The following KIAA1958 variants were observed in gnomAD, a reference collection of about 807,000 sequenced individuals.
KIAA1958 encodes the protein uncharacterized protein KIAA1958.
KIAA1958 carries 14 observed loss-of-function variants against 47.2 expected under a neutral mutation model. The ratio of observed to expected loss-of-function variants is 0.30; its 90% CI spans 0.20 to 0.46. The LOEUF (loss-of-function observed/expected upper bound fraction) is 0.46. Ranked by LOEUF, KIAA1958 falls within the 20% of genes least tolerant of loss-of-function variation. The pLI, the probability that KIAA1958 is intolerant of heterozygous loss-of-function variation, is 1.00. For missense variants in KIAA1958, 803 were observed against 909.2 expected (o/e 0.88, Z 1.50); for synonymous variants, 354 against 353.3 (o/e 1.00, Z -0.02).
intron 1 of KIAA1958, among the ~76,000 whole-genome samples, chr9:112,487,786 C>T (rs1173528207): frequency 5.9e-5 from 9 of 151,862 alleles, no homozygotes; most frequent in Non-Finnish European, 1.3e-4. Context: ...AAATGTATTC[C>T]CCTGGGTAGG....
Position 112,563,081 on chromosome 9 carries a change from C to A in KIAA1958, c.-24-10976C>A, listed in dbSNP as rs1469137846. On this transcript the variant is annotated intron_variant, in intron 1 of 3. Transcript: ENST00000337530. Reference sequence around the variant, plus strand: ...TCTGTCTCTGTCTCTCTCTCTCTCTCTCTCTATATATATATATAAATTTTT... The same window carrying A: ...TCTGTCTCTGTCTCTCTCTCTCTCTATCTCTATATATATATATAAATTTTT... Among the ~76,000 whole-genome samples the A allele has an allele frequency of 5.5e-3, 432 of 78,706 alleles. 1 individual carries two copies. The highest frequency in any genetic ancestry group is 6.5e-3 in the Non-Finnish European group (264 of 40,518). 51.6% of individuals were successfully genotyped at this position (78,706 alleles called of 152,430 possible).
At chr9:112,517,752 A>G (rs1364101984) in intron 1 of KIAA1958, among the ~76,000 whole-genome samples, 1 of 152,242 alleles carries the variant, frequency 6.6e-6, no homozygotes, top group Non-Finnish European at 1.5e-5. Flanking sequence ...AAAAGCAAGG[A>G]GCCAAGATAA....
At chr9:112,591,797 G>A (rs1176436053) in intron 2 of KIAA1958, among the ~76,000 whole-genome samples, 3 of 152,170 alleles carry the variant, frequency 2.0e-5, no homozygotes, top group African/African-American at 4.8e-5. Context: ...GGAGGCTGAG[G>A]TGGGAATGTT....
Position 112,663,374 on chromosome 9 carries a change from C to T in KIAA1958, c.*3305C>T, listed in dbSNP as rs1837310216. 1 of 152,192 alleles carries T rather than the reference C, an allele frequency of 6.6e-6. No individual in the cohort carries two copies. Among genetic ancestry groups the T allele is most frequent in the Admixed American group, 6.5e-5 (1 of 15,284 alleles). The allele number at this position is 152,192 out of a possible 1,614,324, so 9.4% of individuals were successfully genotyped here. A position where few individuals can be genotyped will look rare whatever the true frequency, so the allele number is the denominator to read the frequency against. On this transcript the variant is annotated 3_prime_UTR_variant, in exon 4 of 4. Transcript: ENST00000337530. Reference sequence around the variant, plus strand: ...AGTGCGGTACCAGGCACATCATAAGCATGCAATAAATGTTAGCCAGCTTAG... The same window carrying T: ...AGTGCGGTACCAGGCACATCATAAGTATGCAATAAATGTTAGCCAGCTTAG...
chr9:112,651,345 A>G (rs1440807110), intron 3 of KIAA1958, among the ~76,000 whole-genome samples: 3 of 150,684 alleles, frequency 2.0e-5, no homozygotes, highest in Non-Finnish European at 4.4e-5. Flanking sequence ...ATAGAATTAA[A>G]TTATATTTAA....
intron 2 of KIAA1958, among the ~76,000 whole-genome samples, chr9:112,610,185 A>G (rs1355190420): frequency 1.3e-5 from 2 of 152,126 alleles, no homozygotes; most frequent in Non-Finnish European, 2.9e-5. Context: ...TCATGATGAC[A>G]ATAATAGCAT....
Position 112,667,229 on chromosome 9 carries a change from G to C in KIAA1958, c.*7160G>C, listed in dbSNP as rs1837361540. The C allele has an allele frequency of 6.6e-6, 1 of 152,154 alleles. No individual in the cohort carries two copies. The highest frequency in any genetic ancestry group is 1.5e-5 in the Non-Finnish European group (1 of 68,042). 9.4% of individuals were successfully genotyped at this position (152,154 alleles called of 1,614,324 possible). A position where few individuals can be genotyped will look rare whatever the true frequency, so the allele number is the denominator to read the frequency against. Reference sequence around the variant, plus strand: ...CATTCACATGAACAGGGTCTGGGAAGAAAGGACCACGTTTAAGGATGAGTA... The same window carrying C: ...CATTCACATGAACAGGGTCTGGGAACAAAGGACCACGTTTAAGGATGAGTA... On this transcript the variant is annotated 3_prime_UTR_variant, in exon 4 of 4. Transcript: ENST00000337530.
chr9:112,655,602 CT>C, intron 3 of KIAA1958, among the ~76,000 whole-genome samples: 1 of 152,356 alleles, frequency 6.6e-6, no homozygotes, highest in South Asian at 2.1e-4. Context: ...AGGAAAGTGA[CT>C]TTCTTCCAGA....
chr9:112,591,745 T>G (rs1254259425), intron 2 of KIAA1958, among the ~76,000 whole-genome samples: 1 of 152,050 alleles, frequency 6.6e-6, no homozygotes, highest in Admixed American at 6.5e-5. Flanking sequence ...AAAAGAAAAT[T>G]TACAATGTGT....
At chr9:112,584,913 T>C (rs1023140971) in intron 2 of KIAA1958, among the ~76,000 whole-genome samples, 2 of 152,096 alleles carry the variant, frequency 1.3e-5, no homozygotes, top group East Asian at 3.9e-4. Flanking sequence ...GGTACAGGAG[T>C]AGTCTAAACT....
intron 2 of KIAA1958, among the ~76,000 whole-genome samples, chr9:112,586,484 TTA>T (rs1301256392): frequency 3.3e-5 from 5 of 152,196 alleles, no homozygotes; most frequent in Non-Finnish European, 5.9e-5. Context: ...TTCTGAGAAA[TTA>T]TGTTTCAATA....
At chr9:112,495,124 A>T (rs1247146729) in intron 1 of KIAA1958, among the ~76,000 whole-genome samples, 1 of 151,744 alleles carries the variant, frequency 6.6e-6, no homozygotes, top group Non-Finnish European at 1.5e-5. Context: ...TTTGTTGCCC[A>T]GGCTGGTCTT....
chr9:112,500,100 T>A (rs1253770348), intron 1 of KIAA1958, among the ~76,000 whole-genome samples: 2 of 151,930 alleles, frequency 1.3e-5, no homozygotes, highest in East Asian at 3.9e-4. Context: ...CCTATTAAAA[T>A]TATTATTATT....
chr9:112,577,296 T>G (rs1051754808), intron 2 of KIAA1958, among the ~76,000 whole-genome samples: 1 of 152,122 alleles, frequency 6.6e-6, no homozygotes, highest in African/African-American at 2.4e-5. Context: ...TGGATTGTCT[T>G]TTTCTTTCTT....
At position 112,487,023 on chromosome 9, in the gene KIAA1958, C is replaced by A; in HGVS notation, c.-120C>A. The A allele has an allele frequency of 5.3e-6, 1 of 187,520 alleles. No individual in the cohort carries two copies. Among genetic ancestry groups the A allele is most frequent in the Non-Finnish European group, 1.1e-5 (1 of 90,978 alleles). 11.6% of individuals were successfully genotyped at this position (187,520 alleles called of 1,614,324 possible). A position where few individuals can be genotyped will look rare whatever the true frequency, so the allele number is the denominator to read the frequency against. The stretch of plus-strand genomic sequence containing the variant: ...GGCCGCTCTCCTCCCGCCCTCGCGC[C>A]CCTTCGGCCCGTCCCGTCCAGCCCG... On this transcript the variant is annotated 5_prime_UTR_variant, in exon 1 of 4. Coordinates refer to ENST00000337530, the MANE Select transcript of KIAA1958 (RefSeq NM_133465.4).
At position 112,659,721 on chromosome 9, in the gene KIAA1958, C is replaced by T. The variant is rs761850227; in HGVS notation, c.1803C>T (p.Val601=). 1.2e-6 allele frequency: 2 copies of T among 1,614,192 alleles called. No homozygotes were observed. The highest frequency in any genetic ancestry group is 1.7e-5 in the Admixed American group (1 of 60,022). The change falls in exon 4 of 4, where the codon GTC becomes GTT. Residue 601 remains valine (V), a synonymous_variant. Coordinates refer to ENST00000337530, the MANE Select transcript of KIAA1958 (RefSeq NM_133465.4). Reference sequence around the variant, plus strand: ...CCTACTTTGCCCGGACGGACAGCGTCAAGCGGGAGAGTCGGAGCGGCTCCA... The same window carrying T: ...CCTACTTTGCCCGGACGGACAGCGTTAAGCGGGAGAGTCGGAGCGGCTCCA... ...NQPYFARTDS[V]KRESRSGSTR... is the part of the protein sequence containing the mutation.
chr9:112,539,672 A>G (rs1053878534), intron 1 of KIAA1958, among the ~76,000 whole-genome samples: 3 of 151,608 alleles, frequency 2.0e-5, no homozygotes, highest in Non-Finnish European at 4.4e-5. Flanking sequence ...ACTTAAAAGT[A>G]TATATATATA....
At position 112,665,952 on chromosome 9, in the gene KIAA1958, A is replaced by G. The variant is rs1186210762; in HGVS notation, c.*5883A>G. 6.6e-6 allele frequency: 1 copy of G among 152,038 alleles called. No homozygotes were observed. The highest frequency in any genetic ancestry group is 1.5e-5 in the Non-Finnish European group (1 of 68,026). 9.4% of individuals were successfully genotyped at this position (152,038 alleles called of 1,614,324 possible). A position where few individuals can be genotyped will look rare whatever the true frequency, so the allele number is the denominator to read the frequency against. On this transcript the variant is annotated 3_prime_UTR_variant, in exon 4 of 4. Transcript: ENST00000337530. ...TTAATTTTGGTCAGAGGATTTTTAT[A>G]ATCTGTAGGCTATAGCACTGTCATA...
At chr9:112,497,123 T>C (rs748405642) in intron 1 of KIAA1958, among the ~76,000 whole-genome samples, 4 of 152,230 alleles carry the variant, frequency 2.6e-5, no homozygotes, top group Non-Finnish European at 4.4e-5. Flanking sequence ...TTTGCTCAGC[T>C]TTCCCCAGTG....
Sources: allele counts gnomAD v4.1 joint callset (sites outside exome capture counted in the v4.1 genomes callset), GRCh38; gene constraint gnomAD v4.1.1; transcripts MANE v1.5; gene names NCBI Gene and HGNC (gene_info 2026-07-23, HGNC 2026-07-21).